PTPRC: variants seen among roughly 807,000 people sequenced by gnomAD.
PTPRC encodes protein tyrosine phosphatase receptor type C, also known as receptor-type tyrosine-protein phosphatase C.
A neutral mutation model predicts 155.9 loss-of-function variants in PTPRC; 44 were observed. The ratio of observed to expected loss-of-function variants is 0.28; its 90% CI spans 0.22 to 0.36. The LOEUF is 0.36. Ranked by LOEUF, PTPRC falls within the 10% of genes least tolerant of loss-of-function variation. PTPRC has a pLI of 1.00. For synonymous variants in PTPRC, 525 were observed against 533.1 expected (o/e 0.98, Z 0.21); for missense variants, 1,401 against 1,564.6 (o/e 0.90, Z 1.76).
intron 26 of PTPRC, 104 bp from the exon 27 acceptor site, chr1:198,748,005 T>G (rs1241362258): frequency 6.7e-7 from 1 of 1,488,592 alleles, no homozygotes; most frequent in African/African-American, 1.4e-5. Flanking sequence ...TATGCAAATT[T>G]CACAAAAATT....
chr1:198,694,768 C>A (rs891440054), intron 3 of PTPRC: 79 of 949,046 alleles, frequency 8.3e-5, no homozygotes, highest in Non-Finnish European at 9.8e-5. Context: ...CTCCCACCCC[C>A]TTTTCTTTTC....
At chr1:198,711,053 T>C (rs956538302) in intron 11 of PTPRC, among the ~76,000 whole-genome samples, 18 of 152,150 alleles carry the variant, frequency 1.2e-4, no homozygotes, top group African/African-American at 4.1e-4. Flanking sequence ...ATCAATCTCC[T>C]GACCTCATGA....
At chr1:198,721,750 C>T (rs1653898076) in intron 14 of PTPRC, among the ~76,000 whole-genome samples, 2 of 151,604 alleles carry the variant, frequency 1.3e-5, no homozygotes, top group African/African-American at 2.4e-5. Flanking sequence ...ATTATATATT[C>T]TCCATAGGAT....
intron 2 of PTPRC, among the ~76,000 whole-genome samples, chr1:198,691,705 C>T (rs1571838287): frequency 6.6e-6 from 1 of 152,110 alleles, no homozygotes; most frequent in East Asian, 1.9e-4. Context: ...CTTCTGGGAC[C>T]AAGCTAGCTA....
chr1:198,749,601 C>CTA (rs772637448), intron 28 of PTPRC, 52 bp downstream of exon 28: 1 of 1,555,968 alleles, frequency 6.4e-7, no homozygotes, highest in African/African-American at 1.4e-5. Flanking sequence ...AAAATAATAT[C>CTA]TATGTTATTA....
chr1:198,735,095 A>G (rs748967389), intron 22 of PTPRC, 32 bp from the exon 23 acceptor site: 3 of 1,528,138 alleles, frequency 2.0e-6, no homozygotes, highest in Non-Finnish European at 2.7e-6. Flanking sequence ...TAAATTAAAA[A>G]TTAAAATACT....
At chr1:198,661,172 T>G (rs1663940917) in intron 2 of PTPRC, among the ~76,000 whole-genome samples, 1 of 152,130 alleles carries the variant, frequency 6.6e-6, no homozygotes, top group African/African-American at 2.4e-5. Flanking sequence ...CTCATGCCTT[T>G]TAGTCTCTGG....
chr1:198,695,331 T>C lies in PTPRC; in HGVS notation c.101-1381T>C, dbSNP rs543713566. ...CCCAATCTTGTTGAACTGATTTAATTATTTTTTGTTGTGTGATATAGTTCA... is the reference window on the plus strand; with the variant it reads ...CCCAATCTTGTTGAACTGATTTAATCATTTTTTGTTGTGTGATATAGTTCA... On this transcript the variant is annotated intron_variant, in intron 3 of 32. Coordinates refer to ENST00000442510, the MANE Select transcript of PTPRC (RefSeq NM_002838.5). 3.3e-5 allele frequency among the ~76,000 whole-genome samples: 5 copies of C among 151,794 alleles called. No individual in the cohort carries two copies. The East Asian group carries it at 7.7e-4, about 23-fold the overall frequency.
At chr1:198,651,583 A>C (rs1202962666) in intron 2 of PTPRC, among the ~76,000 whole-genome samples, 1 of 151,802 alleles carries the variant, frequency 6.6e-6, no homozygotes, top group Non-Finnish European at 1.5e-5. Context: ...TGGTTAGCTA[A>C]TAAGAAAAAG....
intron 12 of PTPRC, among the ~76,000 whole-genome samples, chr1:198,715,559 A>G (rs1336595904): frequency 6.6e-6 from 1 of 152,078 alleles, no homozygotes; most frequent in South Asian, 2.1e-4. Flanking sequence ...TTATTTTTCA[A>G]AAGTTACTGA....
intron 5 of PTPRC, among the ~76,000 whole-genome samples, chr1:198,700,786 T>C (rs1666422800): frequency 6.6e-6 from 1 of 152,160 alleles, no homozygotes; most frequent in African/African-American, 2.4e-5. Context: ...TCTATTAGGA[T>C]TAATCAACCT....
chr1:198,729,694 A>T (rs1654302070), intron 17 of PTPRC, among the ~76,000 whole-genome samples: 1 of 152,196 alleles, frequency 6.6e-6, no homozygotes, highest in African/African-American at 2.4e-5. Flanking sequence ...TACTACAGTG[A>T]CAGGCACAGA....
intron 10 of PTPRC, among the ~76,000 whole-genome samples, chr1:198,709,399 C>T (rs560525960): frequency 1.3e-5 from 2 of 152,006 alleles, no homozygotes; most frequent in East Asian, 3.9e-4. Flanking sequence ...GTGTCCTCTT[C>T]CCAATATATT....
At position 198,756,610 on chromosome 1, in the gene PTPRC, G is replaced by C. The variant is rs1044904551; in HGVS notation, c.*429G>C. ...GATCTGTTTTTAAAAATCATAAACT[G>C]TGTGCAGACTCAATAAAATCATGTA... On this transcript the variant is annotated 3_prime_UTR_variant, in exon 33 of 33. Coordinates refer to ENST00000442510, the MANE Select transcript of PTPRC (RefSeq NM_002838.5). 1 of 188,770 alleles carries C rather than the reference G, an allele frequency of 5.3e-6. No individual in the cohort carries two copies. The allele number at this position is 188,770 out of a possible 1,614,324, so 11.7% of individuals were successfully genotyped here.
chr1:198,692,460 T>G, intron 3 of PTPRC, 87 bp downstream of exon 3: 1 of 1,172,630 alleles, frequency 8.5e-7, no homozygotes. Flanking sequence ...TTATTAACAC[T>G]GAAATTATTT....
chr1:198,664,816 G>T (rs1336940175), intron 2 of PTPRC, among the ~76,000 whole-genome samples: 1 of 152,104 alleles, frequency 6.6e-6, no homozygotes, highest in Non-Finnish European at 1.5e-5. Flanking sequence ...CCTGCCCTGA[G>T]CCTCTCCCTT....
chr1:198,675,052 T>C (rs1169631177), intron 2 of PTPRC, among the ~76,000 whole-genome samples: 1 of 152,160 alleles, frequency 6.6e-6, no homozygotes, highest in Non-Finnish European at 1.5e-5. Flanking sequence ...TTGAAGACTG[T>C]TCATTGCCTC....
At chr1:198,696,677 A>T in intron 3 of PTPRC, 35 bp from the exon 4 acceptor site, 1 of 1,548,546 alleles carries the variant, frequency 6.5e-7, no homozygotes, top group Non-Finnish European at 8.9e-7. Context: ...TCACATATTT[A>T]TTTTGTCCTT....
chr1:198,716,826 C>T lies in PTPRC; in HGVS notation c.1436C>T (p.Thr479Ile). 6 of 1,613,598 alleles carry T rather than the reference C, an allele frequency of 3.7e-6. No homozygotes were observed. The highest frequency in any genetic ancestry group is 5.1e-6 in the Non-Finnish European group (6 of 1,179,888). Residue 479 changes from threonine (T) to isoleucine (I), a missense_variant, in exon 13 of 33, where the codon ACA (threonine) becomes ATA (isoleucine). Transcript: ENST00000442510. ...RNGSAAMCHF[T>I]TKSAPPSQVW... ...GGAAGTGCTGCAATGTGTCATTTCACAACTAAAAGTGCTCGTAAGTTATAT... is the reference window on the plus strand; with the variant it reads ...GGAAGTGCTGCAATGTGTCATTTCATAACTAAAAGTGCTCGTAAGTTATAT...
Sources: gnomAD v4.1 joint callset for allele counts (sites outside exome capture counted in the v4.1 genomes callset) on GRCh38, gnomAD v4.1.1 for gene constraint, MANE v1.5 for transcripts, NCBI Gene and HGNC (gene_info 2026-07-23, HGNC 2026-07-21) for gene names.